ANKRD54: variants seen among roughly 807,000 people sequenced by gnomAD.
ANKRD54 encodes the protein ankyrin repeat domain 54, also known as ankyrin repeat domain-containing protein 54.
A neutral mutation model predicts 36.2 loss-of-function variants in ANKRD54; 26 were observed. The observed-to-expected ratio is 0.72, with a 90% CI of 0.53 to 1.00. ANKRD54 has a LOEUF of 1.00. Ranked by LOEUF, ANKRD54 falls within the 50% of genes least tolerant of loss-of-function variation. The pLI is 0.00. For missense variants in ANKRD54, 384 were observed against 424.3 expected, an observed-to-expected ratio of 0.91 and a Z score of 0.83; for synonymous variants, 209 against 188.4, an observed-to-expected ratio of 1.11 and a Z score of -0.89.
intron 3 of ANKRD54, 85 bp from the exon 4 acceptor site, chr22:37,833,840 T>C (rs1381824734): frequency 2.4e-6 from 3 of 1,273,926 alleles, no homozygotes; most frequent in Non-Finnish European, 3.4e-6. Context: ...AGAGGCTGGC[T>C]CAGAGTAGGG....
chr22:37,837,027 C>CA (rs34090289), intron 3 of ANKRD54, among the ~76,000 whole-genome samples: 6,073 of 74,732 alleles, frequency 0.081, 472 homozygotes, highest in African/African-American at 0.23. Flanking sequence ...GACTCCGTCT[C>CA]AAAAAAAAAA....
At position 37,838,586 on chromosome 22, in the gene ANKRD54, A is replaced by G. The variant is rs764301111; in HGVS notation, c.389T>C (p.Leu130Pro). 1 of 1,610,066 alleles carries G rather than the reference A, an allele frequency of 6.2e-7. No homozygotes were observed. Among genetic ancestry groups the G allele is most frequent in the Non-Finnish European group, 8.5e-7 (1 of 1,178,868 alleles). Residue 130 changes from leucine to proline, a missense_variant, in exon 3 of 8, where the codon CTG becomes CCG. Leu to Pro is a moderately conservative substitution (Grantham distance 98, BLOSUM62 -3). Coordinates refer to ENST00000215941, the MANE Select transcript of ANKRD54 (RefSeq NM_138797.4). ...ANDVETVQQL[L>P]EDGADPCAAD... ...TGCACAGGGATCCGCGCCATCTTCC[A>G]GCAGCTGCTGCACTGACACCACCAA...
chr22:37,845,872 A>C (rs1370183488), upstream of ANKRD54, among the ~76,000 whole-genome samples: 3 of 150,528 alleles, frequency 2.0e-5, no homozygotes, highest in African/African-American at 7.4e-5. Context: ...CCATCTCAGA[A>C]AGAAACAAAA....
upstream of ANKRD54, among the ~76,000 whole-genome samples, chr22:37,845,377 C>T (rs550026394): frequency 2.0e-5 from 3 of 152,240 alleles, no homozygotes; most frequent in South Asian, 4.1e-4. Flanking sequence ...CATGGGTGCA[C>T]GTTTTCATAA....
At chr22:37,837,007 C>T (rs1413190200) in intron 3 of ANKRD54, among the ~76,000 whole-genome samples, 3 of 146,090 alleles carry the variant, frequency 2.1e-5, no homozygotes, top group Admixed American at 7.0e-5. Flanking sequence ...CCAGCCTGGG[C>T]GACAGGCAAG....
rs966895402 is a variant in ANKRD54 at position 37,841,739 on chromosome 22, T to C, written c.329-1505A>G. 6.0e-5 allele frequency among the ~76,000 whole-genome samples: 9 copies of C among 151,072 alleles called. No homozygotes were observed. In the Admixed American group the frequency reaches 6.0e-4, roughly 10 times the overall value. ...GGTGCATGCCTGTTATCCCAACTAC[T>C]CAGGAGGCTAAGGCAGGAGAATCAC... On this transcript the variant is annotated intron_variant, in intron 1 of 7. Coordinates refer to ENST00000215941, the MANE Select transcript of ANKRD54 (RefSeq NM_138797.4).
chr22:37,837,313 G>C (rs977528922), intron 3 of ANKRD54, among the ~76,000 whole-genome samples: 1 of 152,130 alleles, frequency 6.6e-6, no homozygotes, highest in African/African-American at 2.4e-5. Context: ...TAGGTTTATA[G>C]AGGATAGATG....
chr22:37,832,857 C>T, intron 6 of ANKRD54, 101 bp downstream of exon 6: 1 of 1,605,762 alleles, frequency 6.2e-7, no homozygotes, highest in South Asian at 1.1e-5. Flanking sequence ...TGTGAAACAA[C>T]CCAGGAGCCC....
chr22:37,841,779 C>T (rs7288249), intron 1 of ANKRD54, among the ~76,000 whole-genome samples: 6,639 of 151,256 alleles, frequency 0.044, 490 homozygotes, highest in African/African-American at 0.15. Flanking sequence ...ACTTGAGAGC[C>T]GGAGGTTGCA....
chr22:37,840,481 C>G (rs535019222), intron 1 of ANKRD54, among the ~76,000 whole-genome samples: 5 of 151,854 alleles, frequency 3.3e-5, no homozygotes, highest in African/African-American at 1.2e-4. Flanking sequence ...ATGGCGTGAA[C>G]CTGGGAGGTG....
upstream of ANKRD54, among the ~76,000 whole-genome samples, chr22:37,844,845 G>A (rs1311506302): frequency 3.9e-5 from 6 of 152,010 alleles, no homozygotes; most frequent in African/African-American, 1.5e-4. Context: ...TGGGATTACA[G>A]GCGTGAGCCA....
At position 37,830,946 on chromosome 22, in the gene ANKRD54, A is replaced by C. The variant is rs1362997313; in HGVS notation, c.*997T>G. The C allele has an allele frequency of 2.0e-5, 3 of 152,278 alleles. No homozygotes were observed. The highest frequency in any genetic ancestry group is 4.4e-5 in the Non-Finnish European group (3 of 68,096). 9.4% of individuals were successfully genotyped at this position (152,278 alleles called of 1,614,324 possible). On this transcript the variant is annotated 3_prime_UTR_variant, in exon 8 of 8. Transcript: ENST00000215941. ...TCACTGAGCCAGTCCAGGTGGGAGC[A>C]GGGCTGGGGCCTTCCAGGGCTCTGT... is the stretch of plus-strand genomic sequence containing the variant.
At chr22:37,833,131 A>G (rs199708999) in intron 5 of ANKRD54, 28 bp downstream of exon 5, 13 of 1,613,964 alleles carry the variant, frequency 8.1e-6, no homozygotes, top group Non-Finnish European at 9.3e-6. Context: ...GGGGAGAAAG[A>G]GGACAGAGAG....
chr22:37,848,334 C>G (rs748992377), upstream of ANKRD54: 1 of 152,234 alleles, frequency 6.6e-6, no homozygotes, highest in Non-Finnish European at 1.5e-5. Flanking sequence ...ACTTTAATGT[C>G]CAAAGTTGGG....
chr22:37,847,014 C>T (rs1365728408), upstream of ANKRD54, among the ~76,000 whole-genome samples: 9 of 151,154 alleles, frequency 6.0e-5, no homozygotes, highest in Non-Finnish European at 1.2e-4. Flanking sequence ...CCACTACGCC[C>T]GGCTAATTTT....
At chr22:37,844,431 C>G, upstream of ANKRD54, 2 of 553,432 alleles carry the variant, frequency 3.6e-6, no homozygotes, top group Non-Finnish European at 6.1e-6. Context: ...CAGCTTAAAC[C>G]GGTCCCAAAA....
At chr22:37,836,127 C>A (rs944670096) in intron 3 of ANKRD54, among the ~76,000 whole-genome samples, 4 of 150,408 alleles carry the variant, frequency 2.7e-5, no homozygotes, top group African/African-American at 7.3e-5. Context: ...AGATACCGCG[C>A]CCAGGCAAAA....
intron 6 of ANKRD54, 92 bp downstream of exon 6, chr22:37,832,866 C>T (rs1332297463): frequency 2.5e-5 from 40 of 1,605,744 alleles, no homozygotes; most frequent in Non-Finnish European, 3.3e-5. Context: ...ACCCAGGAGC[C>T]CTGGGACCAG....
chr22:37,839,595 G>C (rs535608619), intron 2 of ANKRD54, among the ~76,000 whole-genome samples: 3 of 152,188 alleles, frequency 2.0e-5, no homozygotes, highest in African/African-American at 7.2e-5. Flanking sequence ...CACAGTGTTA[G>C]CCAGGATGGT....
Sources: gnomAD v4.1 joint callset for allele counts (sites outside exome capture counted in the v4.1 genomes callset) on GRCh38, gnomAD v4.1.1 for gene constraint, MANE v1.5 for transcripts, NCBI Gene and HGNC (gene_info 2026-07-23, HGNC 2026-07-21) for gene names.